NLGN4X: variants seen among roughly 807,000 people sequenced by gnomAD.
NLGN4X encodes neuroligin 4 X-linked.
A neutral mutation model predicts 40.3 loss-of-function variants in NLGN4X; 3 were observed. The ratio of observed to expected loss-of-function variants is 0.07; its 90% confidence interval spans 0.03 to 0.19. The LOEUF is 0.19. NLGN4X is among the 10% of genes least tolerant of loss of function. The pLI is 1.00. For synonymous variants in NLGN4X, 270 were observed against 306.8 expected, an observed-to-expected ratio of 0.88 and a Z score of 1.25; for missense variants, 382 against 708.3, an observed-to-expected ratio of 0.54 and a Z score of 5.23.
chrX:6,051,650 G>A (rs1437907529), intron 2 of NLGN4X, among the ~76,000 whole-genome samples: 3 of 110,919 alleles, frequency 2.7e-5, no homozygotes, highest in African/African-American at 6.6e-5. Flanking sequence ...CCTTGATTTT[G>A]GTCTTCTGGC....
chrX:6,028,183 T>C (rs2036759479), intron 3 of NLGN4X, among the ~76,000 whole-genome samples: 1 of 111,865 alleles, frequency 8.9e-6, no homozygotes, highest in African/African-American at 3.2e-5. Flanking sequence ...ATCTCTCTCA[T>C]GGCTAACTTG....
rs765925783 is a variant in NLGN4X at position 6,147,655 on chromosome X, A to C, written c.472+3340T>G. Among the ~76,000 whole-genome samples the C allele has an allele frequency of 9.3e-4, 91 of 97,888 alleles. 1 individual carries two copies. Among genetic ancestry groups the C allele is most frequent in the African/African-American group, 2.9e-3 (78 of 27,055 alleles). The allele number at this position is 97,888 out of a possible 115,157, so 85.0% of individuals were successfully genotyped here. A position where few individuals can be genotyped will look rare whatever the true frequency, so the allele number is the denominator to read the frequency against. On this transcript the variant is annotated intron_variant, in intron 2 of 5. Transcript: ENST00000381095. Reference sequence around the variant, plus strand: ...GTCACTCAGTCACACTCTCTCTGCTATCTCTCTCTCTCTCTCTCTCTGTCA... The same window carrying C: ...GTCACTCAGTCACACTCTCTCTGCTCTCTCTCTCTCTCTCTCTCTCTGTCA...
intron 3 of NLGN4X, 134 bp from the exon 4 acceptor site, chrX:5,909,373 G>A: frequency 1.4e-6 from 1 of 730,762 alleles, no homozygotes; most frequent in Admixed American, 3.2e-5. Context: ...ACCAATTAGA[G>A]GAAGAACAGG....
intron 1 of NLGN4X, among the ~76,000 whole-genome samples, chrX:6,157,159 T>C (rs979681421): frequency 1.8e-5 from 2 of 110,629 alleles, no homozygotes; most frequent in South Asian, 3.9e-4. Context: ...ATCTTCAAGA[T>C]GATCTTGCAC....
At chrX:6,086,430 C>T (rs2038498279) in intron 2 of NLGN4X, among the ~76,000 whole-genome samples, 1 of 111,737 alleles carries the variant, frequency 8.9e-6, no homozygotes, top group African/African-American at 3.3e-5. Context: ...GATTGCAAGC[C>T]ATATATTATT....
intron 2 of NLGN4X, among the ~76,000 whole-genome samples, chrX:6,088,206 A>AT (rs1171403566): frequency 8.9e-6 from 1 of 112,793 alleles, no homozygotes; most frequent in Admixed American, 9.4e-5. Context: ...TGCATGGAAC[A>AT]TTTTAAATTG....
At chrX:6,056,512 G>T (rs6654813) in intron 2 of NLGN4X, among the ~76,000 whole-genome samples, 2 of 110,078 alleles carry the variant, frequency 1.8e-5, no homozygotes, top group African/African-American at 6.6e-5. Flanking sequence ...TCAACATCGT[G>T]TAAGTGCCCT....
chrX:5,903,715 C>T lies in NLGN4X; in HGVS notation c.963G>A (p.Lys321=), dbSNP rs1419202065. 2 of 1,211,776 alleles carry T rather than the reference C, an allele frequency of 1.7e-6. No homozygotes were observed. Among genetic ancestry groups the T allele is most frequent in the Admixed American group, 4.3e-5 (2 of 46,042 alleles). Residue 321 remains lysine (K), a synonymous_variant, in exon 5 of 6, where the codon AAG becomes AAA. Coordinates refer to ENST00000381095, the MANE Select transcript of NLGN4X (RefSeq NM_181332.3). ...TCTGCTGGATGAGCTCCTTGTAGTTCTTGTTCCGCAGGCATTCTACCATGT... is the reference window on the plus strand; with the variant it reads ...TCTGCTGGATGAGCTCCTTGTAGTTTTTGTTCCGCAGGCATTCTACCATGT... ...TTDMVECLRN[K]NYKELIQQTI...
At chrX:5,992,072 A>G (rs369686826) in intron 3 of NLGN4X, among the ~76,000 whole-genome samples, 1 of 111,726 alleles carries the variant, frequency 9.0e-6, no homozygotes, top group Admixed American at 9.5e-5. Context: ...ACACTCCTGG[A>G]GGGTTTACTC....
intron 1 of NLGN4X, among the ~76,000 whole-genome samples, chrX:6,178,021 T>C (rs1053700570): frequency 9.9e-5 from 11 of 110,891 alleles, no homozygotes; most frequent in Admixed American, 5.7e-4. Flanking sequence ...GAATCTGCCA[T>C]ACCTTGATCT....
intron 3 of NLGN4X, among the ~76,000 whole-genome samples, chrX:5,999,784 G>C (rs1001790509): frequency 1.8e-5 from 2 of 112,108 alleles, no homozygotes; most frequent in African/African-American, 6.5e-5. Flanking sequence ...AGCTCTTGGG[G>C]AATTTCAGAC....
chrX:5,978,632 A>C (rs929896086), intron 3 of NLGN4X, among the ~76,000 whole-genome samples: 2 of 112,193 alleles, frequency 1.8e-5, no homozygotes, highest in Non-Finnish European at 3.7e-5. Context: ...AAATGAGCAT[A>C]AGGAAACAGT....
chrX:6,082,948 G>GGTTTTTTTTTTTTTTTTTTTTT (rs2038390927), intron 2 of NLGN4X, among the ~76,000 whole-genome samples: 1 of 70,375 alleles, frequency 1.4e-5, no homozygotes, highest in African/African-American at 4.8e-5. Flanking sequence ...GCCATGATGC[G>GGTTTTTTTTTTTTTTTTTTTTT]TTTTTTTCTT....
intron 3 of NLGN4X, among the ~76,000 whole-genome samples, chrX:5,960,598 A>AAAT (rs1472728149): frequency 8.9e-6 from 1 of 111,787 alleles, no homozygotes; most frequent in Non-Finnish European, 1.9e-5. Context: ...CATCATAAGA[A>AAAT]AATATATAAA....
intron 2 of NLGN4X, among the ~76,000 whole-genome samples, chrX:6,078,072 T>C (rs781512366): frequency 8.9e-6 from 1 of 111,804 alleles, no homozygotes; most frequent in Non-Finnish European, 1.9e-5. Flanking sequence ...AACTTGTGTC[T>C]GGGATGCTTA....
intron 2 of NLGN4X, among the ~76,000 whole-genome samples, chrX:6,103,688 A>T (rs1201655940): frequency 1.8e-5 from 2 of 112,006 alleles, no homozygotes; most frequent in African/African-American, 6.5e-5. Context: ...TTACAGTAGG[A>T]CACCTGATAA....
intron 3 of NLGN4X, among the ~76,000 whole-genome samples, chrX:5,916,454 T>A (rs777895017): frequency 2.7e-5 from 3 of 110,940 alleles, no homozygotes; most frequent in Non-Finnish European, 5.6e-5. Flanking sequence ...TTTATATTTT[T>A]ATGTATTTTT....
chrX:5,916,458 TA>T (rs200434686), intron 3 of NLGN4X, among the ~76,000 whole-genome samples: 1,539 of 111,609 alleles, frequency 0.014, 20 homozygotes, highest in African/African-American at 0.047. Context: ...TATTTTTATG[TA>T]TTTTTTTTGA....
rs866749027 is a variant in NLGN4X, at chrX:5,925,859, T to C, written c.626-16620A>G. Among the ~76,000 whole-genome samples, 30 of 58,954 alleles carry C rather than the reference T, an allele frequency of 5.1e-4. 1 individual carries two copies. Among genetic ancestry groups the C allele is most frequent in the African/African-American group, 2.3e-3 (30 of 12,984 alleles). The allele number at this position is 58,954 out of a possible 115,157, so 51.2% of individuals were successfully genotyped here. A position where few individuals can be genotyped will look rare whatever the true frequency, so the allele number is the denominator to read the frequency against. On this transcript the variant is annotated intron_variant, in intron 3 of 5. Transcript: ENST00000381095. ...ATATATATATACATACACATATATA[T>C]ATATATATATATACATACACACATA...
Sources: gnomAD v4.1 joint callset for allele counts (sites outside exome capture counted in the v4.1 genomes callset) on GRCh38, gnomAD v4.1.1 for gene constraint, MANE v1.5 for transcripts, NCBI Gene and HGNC (gene_info 2026-07-23, HGNC 2026-07-21) for gene names.